Variants in TAFA2 observed in about 807,000 individuals in gnomAD.
TAFA2 encodes the protein TAFA chemokine like family member 2.
In TAFA2, 7 loss-of-function variants were observed where a neutral mutation model predicts 18.8. The observed-to-expected ratio is 0.37, with a 90% confidence interval of 0.21 to 0.70. TAFA2 has a LOEUF of 0.70. TAFA2 is among the 30% of genes least tolerant of loss of function. The pLI, the probability that TAFA2 is intolerant of heterozygous loss-of-function variation, is 0.53. For missense variants in TAFA2, 122 were observed against 158.1 expected (o/e 0.77, Z 1.23); for synonymous variants, 60 against 54.2 (o/e 1.11, Z -0.47).
chr12:62,053,251 A>G (rs1439155215), intron 1 of TAFA2, among the ~76,000 whole-genome samples: 2 of 152,186 alleles, frequency 1.3e-5, no homozygotes, highest in Non-Finnish European at 2.9e-5. Flanking sequence ...GCTACAACCC[A>G]GAGTAATATT....
intron 2 of TAFA2, among the ~76,000 whole-genome samples, chr12:61,827,931 T>A (rs956783990): frequency 6.6e-6 from 1 of 152,068 alleles, no homozygotes; most frequent in East Asian, 1.9e-4. Flanking sequence ...AGTCACTACT[T>A]CAAAAGATGA....
At chr12:62,152,906 G>A (rs967327029) in intron 1 of TAFA2, among the ~76,000 whole-genome samples, 2 of 152,190 alleles carry the variant, frequency 1.3e-5, no homozygotes, top group African/African-American at 2.4e-5. Flanking sequence ...ATTGTGATAC[G>A]TTGATGTCTA....
rs143380754 is a variant in TAFA2, at chr12:61,967,525, G to A, written c.-1-100099C>T. On this transcript the variant is annotated intron_variant, in intron 1 of 4. Transcript: ENST00000416284. ...CCATTTGTCCATTTGAATAAAACAC[G>A]TCCACACAACACGTGCATTATATCA... Among the ~76,000 whole-genome samples the A allele has an allele frequency of 2.0e-3, 307 of 151,892 alleles. 1 individual carries two copies. The highest frequency in any genetic ancestry group is 6.8e-3 in the African/African-American group (284 of 41,478).
chr12:61,744,023 C>G (rs780214320), intron 4 of TAFA2, among the ~76,000 whole-genome samples: 4 of 151,986 alleles, frequency 2.6e-5, no homozygotes, highest in Non-Finnish European at 4.4e-5. Flanking sequence ...TAACCAAAAC[C>G]AGGTAAAAGT....
chr12:61,774,972 C>CA (rs1208231630), intron 2 of TAFA2, among the ~76,000 whole-genome samples: 2 of 151,644 alleles, frequency 1.3e-5, no homozygotes, highest in Non-Finnish European at 3.0e-5. Context: ...TAAAACTCAA[C>CA]AATAAGAACA....
chr12:62,053,499 C>A (rs566064639), intron 1 of TAFA2, among the ~76,000 whole-genome samples: 1 of 152,266 alleles, frequency 6.6e-6, no homozygotes, highest in African/African-American at 2.4e-5. Flanking sequence ...ATAACACCAA[C>A]CATTAACAAA....
chr12:62,210,931 C>CA (rs1314101921), intron 1 of TAFA2, among the ~76,000 whole-genome samples: 2 of 151,662 alleles, frequency 1.3e-5, no homozygotes, highest in African/African-American at 2.4e-5. Context: ...CCCCGCCCCC[C>CA]AAAAAAACGG....
At chr12:62,236,015 TAA>T (rs1435830205) in intron 1 of TAFA2, among the ~76,000 whole-genome samples, 1 of 151,998 alleles carries the variant, frequency 6.6e-6, no homozygotes, top group Admixed American at 6.6e-5. Context: ...AAGGAAAACC[TAA>T]AAGTCTCTAC....
intron 1 of TAFA2, among the ~76,000 whole-genome samples, chr12:61,905,872 C>G (rs922843145): frequency 1.3e-5 from 2 of 152,186 alleles, no homozygotes; most frequent in Non-Finnish European, 2.9e-5. Context: ...GGCACACAGA[C>G]ACACTCACAC....
chr12:61,874,336 A>G lies in TAFA2; in HGVS notation c.-1-6910T>C, dbSNP rs564870438. ...CTGAAACACTTGTTTTAAAATGCTC[A>G]TTAAGTTTGATGTATCAGTGTTTTG... On this transcript the variant is annotated intron_variant, in intron 1 of 4. Coordinates refer to ENST00000416284, the MANE Select transcript of TAFA2 (RefSeq NM_178539.5). Among the ~76,000 whole-genome samples, 17 of 152,266 alleles carry G rather than the reference A, an allele frequency of 1.1e-4. No homozygotes were observed. In the South Asian group the frequency reaches 3.5e-3, roughly 32 times the overall value.
intron 2 of TAFA2, among the ~76,000 whole-genome samples, chr12:61,796,104 C>T (rs891681902): frequency 1.3e-5 from 2 of 152,014 alleles, no homozygotes; most frequent in Non-Finnish European, 2.9e-5. Flanking sequence ...AAGCATAAAC[C>T]TACCATATGA....
chr12:61,832,363 T>C (rs1214488372), intron 2 of TAFA2, among the ~76,000 whole-genome samples: 3 of 152,002 alleles, frequency 2.0e-5, no homozygotes, highest in Non-Finnish European at 2.9e-5. Flanking sequence ...GAGAAATCAC[T>C]TGCAGGTGCC....
chr12:62,246,125 T>C (rs1288444883), intron 1 of TAFA2, among the ~76,000 whole-genome samples: 1 of 151,956 alleles, frequency 6.6e-6, no homozygotes, highest in East Asian at 1.9e-4. Flanking sequence ...TAGCTGGGAC[T>C]ACAGGCGCCC....
At chr12:62,112,571 G>A (rs2136867513) in intron 1 of TAFA2, among the ~76,000 whole-genome samples, 1 of 152,260 alleles carries the variant, frequency 6.6e-6, no homozygotes, top group East Asian at 1.9e-4. Context: ...ATAATATCCT[G>A]AAGAATTTCC....
In TAFA2 at chr12:61,919,176, C is replaced by T. The variant is rs111601351; in HGVS notation, c.-1-51750G>A. ...GACAACCTTTCCTTCTTGGCCTTCC[C>T]CTATTTCTGATTTTGTTTAAAATTC... is the stretch of plus-strand genomic sequence containing the variant. On this transcript the variant is annotated intron_variant, in intron 1 of 4. Coordinates refer to ENST00000416284, the MANE Select transcript of TAFA2 (RefSeq NM_178539.5). Among the ~76,000 whole-genome samples, 364 of 152,246 alleles carry T rather than the reference C, an allele frequency of 2.4e-3. 4 individuals carry two copies. Among genetic ancestry groups the T allele is most frequent in the African/African-American group, 8.4e-3 (347 of 41,552 alleles).
At position 61,740,856 on chromosome 12, in the gene TAFA2, G is replaced by GAAA. The variant is rs375897192; in HGVS notation, c.384+12763_384+12765dup. ...GGAAGCCAACATTGCTACTTAATAGGAAAAAAAAAAATGCCATAATACTGA... is the reference window on the plus strand; with the variant it reads ...GGAAGCCAACATTGCTACTTAATAGGAAAAAAAAAAAAAATGCCATAATACTGA... On this transcript the variant is annotated intron_variant, in intron 4 of 4. Transcript: ENST00000416284. Among the ~76,000 whole-genome samples the GAAA allele has an allele frequency of 5.0e-3, 722 of 143,570 alleles. 6 individuals carry two copies. The highest frequency in any genetic ancestry group is 0.015 in the African/African-American group (606 of 39,536). 94.2% of individuals were successfully genotyped at this position (143,570 alleles called of 152,430 possible).
chr12:62,133,415 C>T (rs1177319496), intron 1 of TAFA2, among the ~76,000 whole-genome samples: 3 of 152,032 alleles, frequency 2.0e-5, no homozygotes, highest in Non-Finnish European at 4.4e-5. Flanking sequence ...TTCTGGAACC[C>T]TCTTTCCTTT....
At chr12:61,765,363 C>T (rs1181870803) in intron 2 of TAFA2, among the ~76,000 whole-genome samples, 1 of 152,052 alleles carries the variant, frequency 6.6e-6, no homozygotes, top group African/African-American at 2.4e-5. Flanking sequence ...GCAAGAAATA[C>T]ATTTAGGCTA....
rs566105035 is a variant in TAFA2, at chr12:61,868,019, T to C, written c.-1-593A>G. On this transcript the variant is annotated intron_variant, in intron 1 of 4. Coordinates refer to ENST00000416284, the MANE Select transcript of TAFA2 (RefSeq NM_178539.5). ...ACAATATTGTTGGACTCCACCTTGA[T>C]GTAAGTTCCCAGAGGTAGGAGAAAA... Among the ~76,000 whole-genome samples the C allele has an allele frequency of 3.9e-5, 6 of 152,288 alleles. No individual in the cohort carries two copies. The East Asian group carries it at 9.7e-4, about 25-fold the overall frequency.
Sources: allele counts gnomAD v4.1 joint callset (sites outside exome capture counted in the v4.1 genomes callset), GRCh38; gene constraint gnomAD v4.1.1; transcripts MANE v1.5; gene names NCBI Gene and HGNC (gene_info 2026-07-23, HGNC 2026-07-21).